CTNND2: variants seen among roughly 807,000 people sequenced by gnomAD.
CTNND2 encodes the protein catenin delta 2.
Under a neutral mutation model 144.4 loss-of-function variants are expected in CTNND2, and 22 were observed. That is an observed-to-expected ratio of 0.15 (90% CI 0.11 to 0.22). The LOEUF (loss-of-function observed/expected upper bound fraction) is 0.22. CTNND2 is among the 10% of genes least tolerant of loss of function. CTNND2 has a pLI of 1.00. For missense variants in CTNND2, 1,353 were observed against 1,618.8 expected (o/e 0.84, Z 2.82); for synonymous variants, 751 against 695.6 (o/e 1.08, Z -1.25).
chr5:11,052,144 G>A (rs1405111916), intron 16 of CTNND2, among the ~76,000 whole-genome samples: 3 of 152,128 alleles, frequency 2.0e-5, no homozygotes, highest in Non-Finnish European at 2.9e-5. Context: ...CCAAAGGGCT[G>A]TTAGATGGAA....
intron 10 of CTNND2, among the ~76,000 whole-genome samples, chr5:11,206,870 T>C (rs1738099061): frequency 6.6e-6 from 1 of 152,154 alleles, no homozygotes; most frequent in Admixed American, 6.6e-5. Flanking sequence ...AAGACCATGT[T>C]CCCAGGTTTA....
intron 1 of CTNND2, among the ~76,000 whole-genome samples, chr5:11,851,013 G>C (rs749782150): frequency 2.0e-5 from 3 of 152,162 alleles, no homozygotes; most frequent in Admixed American, 6.5e-5. Context: ...CATCCAATCA[G>C]CTAAAGAACT....
At chr5:11,015,140 G>C (rs1452833722) in intron 18 of CTNND2, among the ~76,000 whole-genome samples, 2 of 152,114 alleles carry the variant, frequency 1.3e-5, no homozygotes, top group Non-Finnish European at 2.9e-5. Context: ...TAAAAGATAT[G>C]GATCAGACAT....
intron 3 of CTNND2, among the ~76,000 whole-genome samples, chr5:11,427,177 T>C (rs1040374250): frequency 1.3e-5 from 2 of 151,750 alleles, no homozygotes; most frequent in African/African-American, 4.8e-5. Flanking sequence ...AAATAGTATG[T>C]AAAAAACAAC....
In CTNND2 at chr5:11,384,254, A is replaced by T. The variant is rs1329200746; in HGVS notation, c.1177+411T>A. Among the ~76,000 whole-genome samples the T allele has an allele frequency of 6.6e-6, 1 of 152,238 alleles. No homozygotes were observed. Among genetic ancestry groups the T allele is most frequent in the East Asian group, 1.9e-4 (1 of 5,200 alleles). Reference sequence around the variant, plus strand: ...TTTGAGAAAATCCCTTACTTTTTCCACAATGAAATGTAGACAACTAAAGGT... The same window carrying T: ...TTTGAGAAAATCCCTTACTTTTTCCTCAATGAAATGTAGACAACTAAAGGT... On this transcript the variant is annotated intron_variant, in intron 7 of 21. Coordinates refer to ENST00000304623, the MANE Select transcript of CTNND2 (RefSeq NM_001332.4). This position sits in a 1 kb window ranked among gnomAD's most constrained non-coding sequence, Gnocchi z 5.2.
chr5:11,446,278 T>C (rs1280489481), intron 3 of CTNND2, among the ~76,000 whole-genome samples: 1 of 152,122 alleles, frequency 6.6e-6, no homozygotes, highest in African/African-American at 2.4e-5. Flanking sequence ...CAGTACTAGA[T>C]GCAAAATTTT....
intron 9 of CTNND2, among the ~76,000 whole-genome samples, chr5:11,335,065 C>G (rs2149721799): frequency 6.6e-6 from 1 of 152,246 alleles, no homozygotes; most frequent in Middle Eastern, 3.4e-3. Flanking sequence ...TCCTTCTTGT[C>G]TTCTTAGTAG....
At chr5:11,558,554 G>A (rs1561554854) in intron 3 of CTNND2, among the ~76,000 whole-genome samples, 1 of 151,994 alleles carries the variant, frequency 6.6e-6, no homozygotes, top group Non-Finnish European at 1.5e-5. Flanking sequence ...TTTTTTTGTA[G>A]AGATGGAGTT....
chr5:11,568,187 T>C (rs1561568061), intron 2 of CTNND2, among the ~76,000 whole-genome samples: 1 of 152,162 alleles, frequency 6.6e-6, no homozygotes, highest in Non-Finnish European at 1.5e-5. Context: ...GATGGTTCTT[T>C]CCCTGGTCTC....
chr5:11,516,777 A>G (rs1772200608), intron 3 of CTNND2, among the ~76,000 whole-genome samples: 1 of 151,860 alleles, frequency 6.6e-6, no homozygotes, highest in Non-Finnish European at 1.5e-5. Context: ...TACAATCTCT[A>G]TCAAGATTTC....
intron 3 of CTNND2, among the ~76,000 whole-genome samples, chr5:11,417,613 A>G (rs1351627822): frequency 1.3e-5 from 2 of 152,236 alleles, no homozygotes; most frequent in African/African-American, 4.8e-5. Context: ...CTCCTCATAC[A>G]CCACAAACTG....
At chr5:11,636,797 A>T (rs1014004173) in intron 2 of CTNND2, among the ~76,000 whole-genome samples, 1 of 152,218 alleles carries the variant, frequency 6.6e-6, no homozygotes, top group African/African-American at 2.4e-5. Context: ...TAAGACTTGC[A>T]CACTGGAGCT....
chr5:11,292,946 T>C (rs1385011797), intron 9 of CTNND2, among the ~76,000 whole-genome samples: 7 of 152,176 alleles, frequency 4.6e-5, no homozygotes, highest in Non-Finnish European at 8.8e-5. Flanking sequence ...TCAATTTCTA[T>C]TGTTTAAATC....
At chr5:11,317,297 T>G (rs6877614) in intron 9 of CTNND2, among the ~76,000 whole-genome samples, 4,202 of 152,278 alleles carry the variant, frequency 0.028, 176 homozygotes, top group African/African-American at 0.091. Context: ...TCATTTTAAC[T>G]GCCATACACC....
At chr5:11,147,889 A>C (rs1005474940) in intron 12 of CTNND2, among the ~76,000 whole-genome samples, 1 of 152,248 alleles carries the variant, frequency 6.6e-6, no homozygotes, top group Non-Finnish European at 1.5e-5. Flanking sequence ...GTATGTAAAC[A>C]AATACAATAG....
intron 9 of CTNND2, among the ~76,000 whole-genome samples, chr5:11,248,038 T>C (rs1743182799): frequency 6.6e-6 from 1 of 152,200 alleles, no homozygotes; most frequent in South Asian, 2.1e-4. Context: ...CCATAAACTT[T>C]ACCTTGTAAA....
chr5:11,287,141 G>T (rs1169750015), intron 9 of CTNND2, among the ~76,000 whole-genome samples: 1 of 152,174 alleles, frequency 6.6e-6, no homozygotes, highest in Admixed American at 6.5e-5. Context: ...ATTTGACTAG[G>T]CCACAGTACA....
intron 14 of CTNND2, among the ~76,000 whole-genome samples, chr5:11,109,356 T>C (rs746635752): frequency 1.3e-5 from 2 of 151,904 alleles, no homozygotes; most frequent in Non-Finnish European, 2.9e-5. Context: ...TTTTGTATCA[T>C]ATATTTTCTA....
intron 3 of CTNND2, among the ~76,000 whole-genome samples, chr5:11,505,763 G>A (rs940460033): frequency 6.6e-6 from 1 of 152,056 alleles, no homozygotes; most frequent in African/African-American, 2.4e-5. Flanking sequence ...TGTCACTAGA[G>A]GCCAGTTTCC....
Sources: gnomAD v4.1 joint callset for allele counts (sites outside exome capture counted in the v4.1 genomes callset) on GRCh38, gnomAD v4.1.1 for gene constraint, Gnocchi (gnomAD v3.1) non-coding constraint, MANE v1.5 for transcripts, NCBI Gene and HGNC (gene_info 2026-07-23, HGNC 2026-07-21) for gene names.